Variants in C1orf21 observed in about 807,000 individuals in gnomAD.
C1orf21 encodes the protein uncharacterized protein C1orf21.
C1orf21 carries 3 observed loss-of-function variants against 18.7 expected under a neutral mutation model. The observed-to-expected ratio is 0.16, with a 90% CI of 0.07 to 0.42. The LOEUF (loss-of-function observed/expected upper bound fraction) is 0.42. C1orf21 is among the 10% of genes least tolerant of loss of function. The pLI is 0.99. For synonymous variants in C1orf21, 41 were observed against 46.4 expected (o/e 0.88, Z 0.47); for missense variants, 104 against 143.6 (o/e 0.72, Z 1.41).
chr1:184,571,732 G>A (rs570304648), intron 3 of C1orf21, among the ~76,000 whole-genome samples: 52 of 152,126 alleles, frequency 3.4e-4, no homozygotes, highest in Non-Finnish European at 7.4e-4. Flanking sequence ...TTAGATATTG[G>A]AACATAAGGG....
At position 184,387,508 on chromosome 1, in the gene C1orf21, G is replaced by T; in HGVS notation, c.-125+140G>T. On this transcript the variant is annotated intron_variant, in intron 1 of 5. Coordinates refer to ENST00000235307, the MANE Select transcript of C1orf21 (RefSeq NM_030806.4). This position sits in a 1 kb window ranked among gnomAD's most constrained non-coding sequence, Gnocchi z 5.6. The stretch of plus-strand genomic sequence containing the variant: ...GCCGCACGGAAGGGATGGGAGCCGC[G>T]GTCGTGGCGCTGCCTGCGCGGGGCC... 1 of 152,952 alleles carries T rather than the reference G, an allele frequency of 6.5e-6. No individual in the cohort carries two copies. The highest frequency in any genetic ancestry group is 2.0e-4 in the South Asian group (1 of 5,062). 9.5% of individuals were successfully genotyped at this position (152,952 alleles called of 1,614,324 possible). A position where few individuals can be genotyped will look rare whatever the true frequency, so the allele number is the denominator to read the frequency against.
intron 1 of C1orf21, among the ~76,000 whole-genome samples, chr1:184,431,877 C>T (rs935010973): frequency 6.6e-6 from 1 of 152,176 alleles, no homozygotes; most frequent in African/African-American, 2.4e-5. Flanking sequence ...TATGAACAGA[C>T]ACTTCTCAAA....
rs576171018 is a variant in C1orf21 at position 184,412,030 on chromosome 1, T to A, written c.-125+24662T>A. ...CTTTATTGCAGAAGTCCGGACAGCT[T>A]TTCAATGTGATGGATTCTGTGGCAA... On this transcript the variant is annotated intron_variant, in intron 1 of 5. Coordinates refer to ENST00000235307, the MANE Select transcript of C1orf21 (RefSeq NM_030806.4). 6 of 152,350 alleles carry A rather than the reference T, an allele frequency of 3.9e-5. No homozygotes were observed. In the South Asian group the frequency reaches 1.2e-3, roughly 32 times the overall value. 9.4% of individuals were successfully genotyped at this position (152,350 alleles called of 1,614,324 possible).
chr1:184,572,170 A>G (rs530160150), intron 3 of C1orf21, among the ~76,000 whole-genome samples: 2 of 152,360 alleles, frequency 1.3e-5, no homozygotes, highest in Non-Finnish European at 2.9e-5. Flanking sequence ...ACAAGAGACC[A>G]TAAGAGACAA....
chr1:184,548,896 C>G (rs61825205), intron 3 of C1orf21, among the ~76,000 whole-genome samples: 1 of 151,802 alleles, frequency 6.6e-6, no homozygotes, highest in Non-Finnish European at 1.5e-5. Flanking sequence ...TTAAAATTAC[C>G]ATAGTTATCA....
chr1:184,601,400 A>G lies in C1orf21; in HGVS notation c.327+2939A>G, dbSNP rs188580918. Reference sequence around the variant, plus strand: ...ATTTCTGCTCTATCTCCCTCAAAATAGATGTAAAAGCACCATTAGTATACA... The same window carrying G: ...ATTTCTGCTCTATCTCCCTCAAAATGGATGTAAAAGCACCATTAGTATACA... On this transcript the variant is annotated intron_variant, in intron 5 of 5. Transcript: ENST00000235307. Among the ~76,000 whole-genome samples the G allele has an allele frequency of 1.0e-3, 155 of 152,316 alleles. 1 individual carries two copies. In the Middle Eastern group the frequency reaches 0.024, roughly 23 times the overall value.
At chr1:184,397,306 G>C (rs1656066337) in intron 1 of C1orf21, among the ~76,000 whole-genome samples, 1 of 152,182 alleles carries the variant, frequency 6.6e-6, no homozygotes, top group Non-Finnish European at 1.5e-5. Flanking sequence ...TGTATGGCTG[G>C]CTAGGCACAG....
At position 184,628,286 on chromosome 1, in the gene C1orf21, A is replaced by G. The variant is rs1558020050; in HGVS notation, c.*8730A>G. ...GTGTGTTTATTAATTTATTTAAAGC[A>G]TATATCCCTTTACTTTTGTACTACT... On this transcript the variant is annotated 3_prime_UTR_variant, in exon 6 of 6. Transcript: ENST00000235307. 6.6e-6 allele frequency: 1 copy of G among 152,242 alleles called. No homozygotes were observed. The highest frequency in any genetic ancestry group is 1.5e-5 in the Non-Finnish European group (1 of 68,046). The allele number at this position is 152,242 out of a possible 1,614,324, so 9.4% of individuals were successfully genotyped here.
intron 3 of C1orf21, among the ~76,000 whole-genome samples, chr1:184,547,384 G>T (rs1003477965): frequency 1.2e-4 from 18 of 144,168 alleles, no homozygotes; most frequent in South Asian, 2.2e-4. Flanking sequence ...TTGTGTTTAT[G>T]ATCCTACTTC....
chr1:184,586,736 T>A lies in C1orf21; in HGVS notation c.190-4003T>A, dbSNP rs12568985. On this transcript the variant is annotated intron_variant, in intron 3 of 5. Coordinates refer to ENST00000235307, the MANE Select transcript of C1orf21 (RefSeq NM_030806.4). Reference sequence around the variant, plus strand: ...TTGTCTGTTCACTCTGATGATAGTTTTTTGTTTTTTGTTTCATTTTGTTTT... The same window carrying A: ...TTGTCTGTTCACTCTGATGATAGTTATTTGTTTTTTGTTTCATTTTGTTTT... 8.8e-3 allele frequency among the ~76,000 whole-genome samples: 1,340 copies of A among 152,282 alleles called. 15 individuals are homozygous for A. Among genetic ancestry groups the A allele is most frequent in the African/African-American group, 0.031 (1,284 of 41,564 alleles).
intron 1 of C1orf21, among the ~76,000 whole-genome samples, chr1:184,449,442 C>T (rs1020251510): frequency 6.6e-6 from 1 of 152,092 alleles, no homozygotes. Context: ...CTTAATCCAG[C>T]CTATCATTGT....
chr1:184,601,693 G>C (rs1659586955), intron 5 of C1orf21, among the ~76,000 whole-genome samples: 1 of 152,130 alleles, frequency 6.6e-6, no homozygotes, highest in Non-Finnish European at 1.5e-5. Context: ...ATGAGGTCAG[G>C]AGTTCAAGAC....
At chr1:184,575,850 C>T (rs537393546) in intron 3 of C1orf21, among the ~76,000 whole-genome samples, 97 of 151,934 alleles carry the variant, frequency 6.4e-4, no homozygotes, top group African/African-American at 2.2e-3. Context: ...GCTAGGCTAA[C>T]CAGTGTTTCC....
At chr1:184,402,474 C>T (rs1226061588) in intron 1 of C1orf21, among the ~76,000 whole-genome samples, 2 of 151,962 alleles carry the variant, frequency 1.3e-5, no homozygotes, top group African/African-American at 4.8e-5. Flanking sequence ...ATTTTATAAA[C>T]TTAGCTGGGC....
chr1:184,567,461 G>C, intron 3 of C1orf21: 1 of 541,206 alleles, frequency 1.8e-6, no homozygotes, highest in Non-Finnish European at 3.7e-6. Flanking sequence ...GATTAACACT[G>C]CTGGTGCAGA....
chr1:184,439,625 A>G (rs984761604), intron 1 of C1orf21, among the ~76,000 whole-genome samples: 1 of 152,114 alleles, frequency 6.6e-6, no homozygotes, highest in Non-Finnish European at 1.5e-5. Context: ...GATTAATCCA[A>G]CAATTTGTAA....
chr1:184,611,200 G>A (rs529876427), intron 5 of C1orf21, among the ~76,000 whole-genome samples: 1 of 152,286 alleles, frequency 6.6e-6, no homozygotes, highest in East Asian at 1.9e-4. Flanking sequence ...GTAATCCAGG[G>A]GAGGAGACTT....
At chr1:184,479,487 A>T (rs932830429) in intron 2 of C1orf21, among the ~76,000 whole-genome samples, 1 of 152,172 alleles carries the variant, frequency 6.6e-6, no homozygotes, top group African/African-American at 2.4e-5. Context: ...TGGAAACTGA[A>T]CACAGAGAGA....
intron 3 of C1orf21, among the ~76,000 whole-genome samples, chr1:184,536,706 C>G (rs1276553059): frequency 6.6e-6 from 1 of 152,030 alleles, no homozygotes; most frequent in Non-Finnish European, 1.5e-5. Context: ...TGCCTATTAA[C>G]CTATGAAAAA....
Sources: allele counts gnomAD v4.1 joint callset (sites outside exome capture counted in the v4.1 genomes callset), GRCh38; gene constraint gnomAD v4.1.1; non-coding constraint Gnocchi (gnomAD v3.1); transcripts MANE v1.5; gene names NCBI Gene and HGNC (gene_info 2026-07-23, HGNC 2026-07-21).